The following SEC14L5 variants were observed in gnomAD, a reference collection of about 807,000 sequenced individuals.
SEC14L5 encodes the protein SEC14 like lipid binding 5.
In SEC14L5, 96 loss-of-function variants were observed where a neutral mutation model predicts 84.6. The observed-to-expected ratio is 1.13, with a 90% confidence interval of 0.96 to 1.34. The LOEUF is 1.34. Ranked by LOEUF, SEC14L5 falls within the 40% of genes most tolerant of loss-of-function variation. The probability of loss-of-function intolerance (pLI) is 0.00; values close to 1 mark genes in which losing one functional copy is unlikely to be tolerated. For synonymous variants in SEC14L5, 546 were observed against 383.4 expected (o/e 1.42, Z -4.95); for missense variants, 1,224 against 942.5 (o/e 1.30, Z -3.91).
At chr16:5,010,949 A>C in intron 14 of SEC14L5, 146 bp from the exon 15 acceptor site, 1 of 697,408 alleles carries the variant, frequency 1.4e-6, no homozygotes, top group South Asian at 1.9e-5. Context: ...CCCTGACAGG[A>C]GGAGTTGCTG....
At chr16:4,990,708 G>GTCC in intron 4 of SEC14L5, 59 bp from the exon 5 acceptor site, 1 of 1,535,940 alleles carries the variant, frequency 6.5e-7, no homozygotes, top group Non-Finnish European at 8.8e-7. Context: ...GAGAGCCCTA[G>GTCC]GGGAGGGCAG....
intron 2 of SEC14L5, chr16:4,960,784 G>A (rs997013250): frequency 6.6e-6 from 1 of 152,170 alleles, no homozygotes; most frequent in African/African-American, 2.4e-5. Context: ...CTCCTGGTAC[G>A]GGGCTGACGC....
chr16:4,981,851 C>G lies in SEC14L5; in HGVS notation c.64-5706C>G, dbSNP rs567743942. ...GAAGGAGGTGGAGCTGGACTTCTAACCAGGCAGTCTGAACCCCTCCAGCCT... is the reference window on the plus strand; with the variant it reads ...GAAGGAGGTGGAGCTGGACTTCTAAGCAGGCAGTCTGAACCCCTCCAGCCT... On this transcript the variant is annotated intron_variant, in intron 2 of 15. Coordinates refer to ENST00000251170, the MANE Select transcript of SEC14L5 (RefSeq NM_014692.2). Among the ~76,000 whole-genome samples, 132 of 152,262 alleles carry G rather than the reference C, an allele frequency of 8.7e-4. 4 individuals carry two copies. In the South Asian group the frequency reaches 0.014, roughly 17 times the overall value.
rs1383945977 is a variant in SEC14L5 at position 5,018,888 on chromosome 16, C to T, written c.*3918C>T. The T allele has an allele frequency of 6.6e-6, 1 of 152,190 alleles. No individual in the cohort carries two copies. Among genetic ancestry groups the T allele is most frequent in the Non-Finnish European group, 1.5e-5 (1 of 68,044 alleles). 9.4% of individuals were successfully genotyped at this position (152,190 alleles called of 1,614,324 possible). ...AGTATAATTGTTTTCAACAAAGTCT[C>T]TTTGAGCCAGTGAAACACGATGGGT... On this transcript the variant is annotated 3_prime_UTR_variant, in exon 16 of 16. Transcript: ENST00000251170.
chr16:4,961,021 C>T (rs1341855467), intron 2 of SEC14L5, among the ~76,000 whole-genome samples: 1 of 152,078 alleles, frequency 6.6e-6, no homozygotes, highest in African/African-American at 2.4e-5. Context: ...CCTGTAATCC[C>T]AGCGCTTTGG....
chr16:5,011,002 C>T lies in SEC14L5; in HGVS notation c.1801-93C>T, dbSNP rs559279501. The T allele has an allele frequency of 1.4e-4, 172 of 1,273,630 alleles. No individual in the cohort carries two copies. In the African/African-American group the frequency reaches 2.2e-3, roughly 16 times the overall value. 78.9% of individuals were successfully genotyped at this position (1,273,630 alleles called of 1,614,324 possible). On this transcript the variant is annotated intron_variant, in intron 14 of 15. Coordinates refer to ENST00000251170, the MANE Select transcript of SEC14L5 (RefSeq NM_014692.2). The stretch of plus-strand genomic sequence containing the variant: ...ACAGAGGGAGAAGAGCCCCAATTTC[C>T]AGGCCTGGTGATGAGAAGCCCATGA...
Position 5,001,352 on chromosome 16 carries a change from G to A in SEC14L5, c.1130+427G>A, listed in dbSNP as rs769247210. 1.1e-4 allele frequency among the ~76,000 whole-genome samples: 16 copies of A among 150,802 alleles called. No individual in the cohort carries two copies. The East Asian group carries it at 2.4e-3, about 23-fold the overall frequency. ...CAGTTCACTGCAAGCTCTGCCTTCCGGGTTCAAGCGATTCTCCTGCCTCAG... is the reference window on the plus strand; with the variant it reads ...CAGTTCACTGCAAGCTCTGCCTTCCAGGTTCAAGCGATTCTCCTGCCTCAG... On this transcript the variant is annotated intron_variant, in intron 10 of 15. Transcript: ENST00000251170.
chr16:4,979,532 A>C (rs751885437), intron 2 of SEC14L5, among the ~76,000 whole-genome samples: 12 of 152,276 alleles, frequency 7.9e-5, no homozygotes, highest in Non-Finnish European at 1.5e-4. Context: ...GCAGCTGAAA[A>C]TTGTCCAAAT....
chr16:4,983,108 T>C (rs966016504), intron 2 of SEC14L5, among the ~76,000 whole-genome samples: 24 of 152,124 alleles, frequency 1.6e-4, no homozygotes, highest in Non-Finnish European at 2.9e-5. Context: ...GTTCAAGCGA[T>C]TCTCCTGCCT....
At chr16:4,984,014 T>C (rs1189846096) in intron 2 of SEC14L5, among the ~76,000 whole-genome samples, 1 of 152,172 alleles carries the variant, frequency 6.6e-6, no homozygotes, top group Non-Finnish European at 1.5e-5. Flanking sequence ...AACAGTTTTA[T>C]TGAGATACAA....
chr16:5,008,397 C>G (rs1412514996), intron 13 of SEC14L5, 24 bp from the exon 14 acceptor site: 3 of 1,566,844 alleles, frequency 1.9e-6, no homozygotes, highest in East Asian at 4.5e-5. Context: ...CCGTGACTCT[C>G]AGACCTCGCC....
At chr16:4,970,775 G>C (rs1391101421) in intron 2 of SEC14L5, among the ~76,000 whole-genome samples, 1 of 152,122 alleles carries the variant, frequency 6.6e-6, no homozygotes, top group Non-Finnish European at 1.5e-5. Context: ...CGGCTTCCCA[G>C]CCCAAAAGTA....
chr16:4,999,252 G>A (rs1955649271), intron 8 of SEC14L5, among the ~76,000 whole-genome samples: 1 of 152,216 alleles, frequency 6.6e-6, no homozygotes, highest in African/African-American at 2.4e-5. Context: ...ACCAGCTACA[G>A]GGCTGCTGGC....
chr16:5,005,338 G>C (rs904367966), intron 11 of SEC14L5, among the ~76,000 whole-genome samples: 1 of 151,256 alleles, frequency 6.6e-6, no homozygotes, highest in Non-Finnish European at 1.5e-5. Flanking sequence ...AAAAAGAAAC[G>C]CCCAGAATAG....
At position 4,995,338 on chromosome 16, in the gene SEC14L5, G is replaced by A. The variant is rs183595866; in HGVS notation, c.668-1010G>A. 2.0e-5 allele frequency among the ~76,000 whole-genome samples: 3 copies of A among 152,306 alleles called. 1 individual carries two copies. The highest frequency in any genetic ancestry group is 1.3e-4 in the Admixed American group (2 of 15,294). The stretch of plus-strand genomic sequence containing the variant: ...GCTTGGGGCCTGGCCTCTGCACACT[G>A]GCAACATTCCGACTACAACCGCCCA... On this transcript the variant is annotated intron_variant, in intron 6 of 15. Coordinates refer to ENST00000251170, the MANE Select transcript of SEC14L5 (RefSeq NM_014692.2).
At chr16:5,011,374 C>T (rs544505456) in intron 15 of SEC14L5, 101 bp downstream of exon 15, 28 of 1,239,094 alleles carry the variant, frequency 2.3e-5, no homozygotes, top group African/African-American at 1.8e-4. Flanking sequence ...TCAGCTTCTC[C>T]CGGGGTGGGA....
rs115940721 is a variant in SEC14L5, at chr16:4,982,362, A to G, written c.64-5195A>G. On this transcript the variant is annotated intron_variant, in intron 2 of 15. Coordinates refer to ENST00000251170, the MANE Select transcript of SEC14L5 (RefSeq NM_014692.2). ...GGCGCTAGGAGCAGACCCCGCTGGA[A>G]TAAGGAATAAGGTCAGCCACAGATG... is the stretch of plus-strand genomic sequence containing the variant. 5.7e-3 allele frequency among the ~76,000 whole-genome samples: 871 copies of G among 152,252 alleles called. 4 individuals carry two copies. The highest frequency in any genetic ancestry group is 0.02 in the African/African-American group (839 of 41,536).
chr16:4,996,356 C>G lies in SEC14L5; in HGVS notation c.676C>G (p.Leu226Val), dbSNP rs144847645. 2 of 1,553,532 alleles carry G rather than the reference C, an allele frequency of 1.3e-6. No homozygotes were observed. The highest frequency in any genetic ancestry group is 1.2e-5 in the South Asian group (1 of 84,130). The change falls in exon 7 of 16, where the codon CTG (leucine) becomes GTG (valine). Residue 226 changes from leucine to valine, a missense_variant. By Grantham distance (32) the Leu-to-Val change is conservative (BLOSUM62 1). Coordinates refer to ENST00000251170, the MANE Select transcript of SEC14L5 (RefSeq NM_014692.2). Reference protein sequence around the residue: ...LEAVSMDGDKLDADYIERCLG... With the variant: ...LEAVSMDGDKVDADYIERCLG... Reference sequence around the variant, plus strand: ...CCCCCTTCTCCTCCAAGGGGACAAGCTGGATGCGGACTACATTGAGAGGTG... The same window carrying G: ...CCCCCTTCTCCTCCAAGGGGACAAGGTGGATGCGGACTACATTGAGAGGTG...
intron 2 of SEC14L5, among the ~76,000 whole-genome samples, chr16:4,975,143 A>C (rs1049881391): frequency 2.3e-4 from 35 of 151,914 alleles, no homozygotes; most frequent in African/African-American, 8.5e-4. Context: ...TCCATTCCTG[A>C]GTTACTTCAT....
Sources: gnomAD v4.1 joint callset for allele counts (sites outside exome capture counted in the v4.1 genomes callset) on GRCh38, gnomAD v4.1.1 for gene constraint, MANE v1.5 for transcripts, NCBI Gene and HGNC (gene_info 2026-07-23, HGNC 2026-07-21) for gene names.